DMD: variants seen among roughly 807,000 people sequenced by gnomAD.
The protein encoded by DMD is dystrophin.
In DMD, 63 loss-of-function variants were observed where a neutral mutation model predicts 330.1. The ratio of observed to expected loss-of-function variants is 0.19; its 90% CI spans 0.16 to 0.24. The LOEUF (loss-of-function observed/expected upper bound fraction) is 0.24. Ranked by LOEUF, DMD falls within the 10% of genes least tolerant of loss-of-function variation. The pLI, the probability that DMD is intolerant of heterozygous loss-of-function variation, is 1.00. For missense variants in DMD, 3,344 were observed against 2,684.1 expected (o/e 1.25, Z -5.43); for synonymous variants, 1,223 against 959.8 (o/e 1.27, Z -5.07).
chrX:32,357,331 C>G (rs192639183), intron 37 of DMD, among the ~76,000 whole-genome samples: 119 of 111,500 alleles, frequency 1.1e-3, no homozygotes, highest in South Asian at 7.6e-3. Flanking sequence ...CAGCAGTTCT[C>G]TAAGCGTGGT....
rs181807077 is a variant in DMD at position 32,073,089 on chromosome X, T to C, written c.6439-104575A>G. The stretch of plus-strand genomic sequence containing the variant: ...TCGTATGTTGCAAAAACGTACTTAC[T>C]ACTTCACTTAGCCTTTAAGAAAGAC... On this transcript the variant is annotated intron_variant, in intron 44 of 78. Transcript: ENST00000357033. 6.2e-5 allele frequency among the ~76,000 whole-genome samples: 7 copies of C among 112,228 alleles called. No individual in the cohort carries two copies. The East Asian group carries it at 2.0e-3, about 32-fold the overall frequency.
chrX:32,152,911 T>C (rs2096812319), intron 44 of DMD, among the ~76,000 whole-genome samples: 1 of 112,167 alleles, frequency 8.9e-6, no homozygotes. Context: ...TACCTTTACT[T>C]TGAATATGTG....
At chrX:32,637,158 G>A (rs1194145437) in intron 11 of DMD, among the ~76,000 whole-genome samples, 1 of 111,577 alleles carries the variant, frequency 9.0e-6, no homozygotes, top group Non-Finnish European at 1.9e-5. Context: ...TTGGAAGACT[G>A]TTTAAATTAT....
intron 13 of DMD, among the ~76,000 whole-genome samples, chrX:32,580,504 C>T (rs2149180161): frequency 8.9e-6 from 1 of 111,915 alleles, no homozygotes; most frequent in East Asian, 2.8e-4. Flanking sequence ...ATAGTACAGA[C>T]TCTCCTAGAC....
chrX:32,362,264 C>A (rs1294853993), intron 37 of DMD, among the ~76,000 whole-genome samples: 2 of 92,715 alleles, frequency 2.2e-5, no homozygotes, highest in African/African-American at 8.3e-5. Flanking sequence ...GTTAAACAAA[C>A]ACACTTGCAC....
chrX:31,547,965 T>A (rs768043238), intron 55 of DMD, among the ~76,000 whole-genome samples: 35 of 111,750 alleles, frequency 3.1e-4, no homozygotes, highest in Non-Finnish European at 5.3e-4. Flanking sequence ...ACTTGAATGG[T>A]TTGCATGGTT....
At chrX:31,922,532 G>C (rs959018391) in intron 47 of DMD, among the ~76,000 whole-genome samples, 2 of 110,360 alleles carry the variant, frequency 1.8e-5, no homozygotes, top group East Asian at 2.9e-4. Flanking sequence ...GTGTGCGCGC[G>C]CGTGCGCTAG....
intron 47 of DMD, among the ~76,000 whole-genome samples, chrX:31,920,609 C>A (rs994527949): frequency 7.1e-5 from 8 of 112,180 alleles, no homozygotes; most frequent in Non-Finnish European, 1.3e-4. Flanking sequence ...TTGCTTCAGG[C>A]AAACACCTTT....
At chrX:31,307,167 C>T (rs1248897606) in intron 62 of DMD, among the ~76,000 whole-genome samples, 1 of 111,085 alleles carries the variant, frequency 9.0e-6, no homozygotes, top group Non-Finnish European at 1.9e-5. Context: ...TCTGATATAC[C>T]CTGAGTTATA....
At chrX:33,040,546 T>C (rs746663247) in intron 1 of DMD, among the ~76,000 whole-genome samples, 5 of 110,994 alleles carry the variant, frequency 4.5e-5, no homozygotes, top group African/African-American at 1.6e-4. Flanking sequence ...CCGCAGACAC[T>C]ATTACATTAA....
intron 7 of DMD, among the ~76,000 whole-genome samples, chrX:32,761,475 T>C (rs1018179933): frequency 4.5e-5 from 5 of 112,168 alleles, no homozygotes; most frequent in African/African-American, 1.3e-4. Context: ...ATGTAACTTA[T>C]ACACACACAT....
At chrX:31,658,748 T>G (rs967457724) in intron 53 of DMD, among the ~76,000 whole-genome samples, 7 of 112,473 alleles carry the variant, frequency 6.2e-5, no homozygotes, top group Non-Finnish European at 1.3e-4. Flanking sequence ...ATTTTCTTCG[T>G]TGTTTGTCTT....
chrX:31,928,560 C>G (rs894318898), intron 47 of DMD, among the ~76,000 whole-genome samples: 3 of 109,275 alleles, frequency 2.7e-5, no homozygotes, highest in Non-Finnish European at 5.7e-5. Flanking sequence ...GAGCCGAGAT[C>G]GCGCCACTGC....
chrX:32,560,624 G>T (rs951285862), intron 16 of DMD, among the ~76,000 whole-genome samples: 1 of 110,892 alleles, frequency 9.0e-6, no homozygotes, highest in Non-Finnish European at 1.9e-5. Flanking sequence ...AGTGTGTGTT[G>T]TTCTCTTCCC....
intron 11 of DMD, among the ~76,000 whole-genome samples, chrX:32,635,356 T>C (rs780718096): frequency 2.7e-5 from 3 of 111,586 alleles, no homozygotes; most frequent in Non-Finnish European, 5.6e-5. Context: ...TTTTCTAGTG[T>C]GGACAGTTGT....
intron 63 of DMD, among the ~76,000 whole-genome samples, chrX:31,224,925 T>G (rs1160686399): frequency 8.9e-6 from 1 of 112,189 alleles, no homozygotes; most frequent in African/African-American, 3.2e-5. Context: ...TATATCAACT[T>G]CTAGAACAGG....
At chrX:32,175,933 A>T (rs1405046302) in intron 44 of DMD, among the ~76,000 whole-genome samples, 1 of 112,085 alleles carries the variant, frequency 8.9e-6, no homozygotes, top group Non-Finnish European at 1.9e-5. Context: ...GAATAAACTC[A>T]ATTGAAGTAT....
At chrX:32,128,195 A>T (rs1474999078) in intron 44 of DMD, among the ~76,000 whole-genome samples, 3 of 112,327 alleles carry the variant, frequency 2.7e-5, no homozygotes, top group African/African-American at 9.7e-5. Context: ...TTGAGAATGC[A>T]TTGCATACAA....
intron 2 of DMD, among the ~76,000 whole-genome samples, chrX:33,019,608 A>C (rs1418383498): frequency 9.0e-6 from 1 of 111,629 alleles, no homozygotes; most frequent in African/African-American, 3.3e-5. Flanking sequence ...TTAAAAATTG[A>C]GTTGTATTTG....
Sources: allele counts gnomAD v4.1 joint callset (sites outside exome capture counted in the v4.1 genomes callset), GRCh38; gene constraint gnomAD v4.1.1; transcripts MANE v1.5; gene names NCBI Gene and HGNC (gene_info 2026-07-23, HGNC 2026-07-21).